The following CCDC6 variants were observed in gnomAD, a reference collection of about 807,000 sequenced individuals.
CCDC6 encodes the protein coiled-coil domain containing 6.
In CCDC6, 20 loss-of-function variants were observed where a neutral mutation model predicts 56.6. The observed-to-expected ratio is 0.35, with a 90% confidence interval of 0.25 to 0.51. The LOEUF (loss-of-function observed/expected upper bound fraction) is 0.51, where lower values mean the gene tolerates loss of function less well. CCDC6 is among the 20% of genes least tolerant of loss of function. The pLI is 0.95. For synonymous variants in CCDC6, 241 were observed against 234.4 expected (o/e 1.03, Z -0.26); for missense variants, 367 against 601.1 (o/e 0.61, Z 4.07).
In CCDC6 at chr10:59,885,912, CCCG is replaced by C. The variant is rs1486530829; in HGVS notation, c.303+20207_303+20209del. ...CAGTTGTCTGATGTCTATTTCCAAC[CCCG>C]CCCCCCGCCCCCCCAACTAGAATAT... On this transcript the variant is annotated intron_variant, in intron 1 of 8. Transcript: ENST00000263102. Among the ~76,000 whole-genome samples, 5 of 31,344 alleles carry C rather than the reference CCCG, an allele frequency of 1.6e-4. 1 individual carries two copies. The highest frequency in any genetic ancestry group is 3.8e-4 in the African/African-American group (3 of 7,896). 20.6% of individuals were successfully genotyped at this position (31,344 alleles called of 152,430 possible). A position where few individuals can be genotyped will look rare whatever the true frequency, so the allele number is the denominator to read the frequency against.
intron 7 of CCDC6, among the ~76,000 whole-genome samples, chr10:59,804,070 T>C (rs1478048742): frequency 6.6e-6 from 1 of 152,164 alleles, no homozygotes; most frequent in East Asian, 1.9e-4. Context: ...ATAAAAGGTG[T>C]GCTATGATGC....
chr10:59,807,336 T>A lies in CCDC6; in HGVS notation c.848-258A>T, dbSNP rs113552323. ...TCAGTCTCTACTAAAAATACAAACA[T>A]TAGCTGGGCGTGGTGGCAGGCACCT... On this transcript the variant is annotated intron_variant, in intron 5 of 8. Transcript: ENST00000263102. 2.6e-3 allele frequency among the ~76,000 whole-genome samples: 397 copies of A among 152,110 alleles called. 3 individuals carry two copies. The highest frequency in any genetic ancestry group is 8.9e-3 in the African/African-American group (370 of 41,478).
At chr10:59,849,018 T>C (rs1025905144) in intron 2 of CCDC6, among the ~76,000 whole-genome samples, 18 of 152,238 alleles carry the variant, frequency 1.2e-4, no homozygotes, top group African/African-American at 4.3e-4. Context: ...GCTCAGCCTG[T>C]ATATAAAATT....
intron 1 of CCDC6, among the ~76,000 whole-genome samples, chr10:59,863,336 T>C (rs1361866732): frequency 6.6e-6 from 1 of 152,268 alleles, no homozygotes; most frequent in African/African-American, 2.4e-5. Flanking sequence ...TATTACATAA[T>C]GAAAATGTTA....
chr10:59,790,715 C>T lies in CCDC6; in HGVS notation c.*2202G>A, dbSNP rs2070460153. ...AGTGAAATGACTTTGGGAACCAGAACATTTCTGCAGATGTCTGAATATCAA... is the reference window on the plus strand; with the variant it reads ...AGTGAAATGACTTTGGGAACCAGAATATTTCTGCAGATGTCTGAATATCAA... On this transcript the variant is annotated 3_prime_UTR_variant, in exon 9 of 9. Transcript: ENST00000263102. 4.6e-6 allele frequency: 1 copy of T among 219,366 alleles called. No homozygotes were observed. The highest frequency in any genetic ancestry group is 1.9e-4 in the South Asian group (1 of 5,374). The allele number at this position is 219,366 out of a possible 1,614,324, so 13.6% of individuals were successfully genotyped here. A position where few individuals can be genotyped will look rare whatever the true frequency, so the allele number is the denominator to read the frequency against.
intron 2 of CCDC6, among the ~76,000 whole-genome samples, chr10:59,842,953 C>G (rs904464790): frequency 6.6e-6 from 1 of 152,016 alleles, no homozygotes; most frequent in Non-Finnish European, 1.5e-5. Context: ...CGGGGTTTCA[C>G]CGTGTTAGCC....
At chr10:59,840,686 A>G (rs891193133) in intron 2 of CCDC6, among the ~76,000 whole-genome samples, 1 of 152,094 alleles carries the variant, frequency 6.6e-6, no homozygotes, top group Admixed American at 6.5e-5. Context: ...AACATACTCC[A>G]CTTGCTGTCT....
intron 1 of CCDC6, among the ~76,000 whole-genome samples, chr10:59,872,309 T>C (rs980766531): frequency 2.6e-5 from 4 of 152,230 alleles, no homozygotes; most frequent in African/African-American, 9.7e-5. Context: ...AGCTGGATGT[T>C]TCTTCCAGCA....
chr10:59,863,280 T>C (rs1461447442), intron 1 of CCDC6, among the ~76,000 whole-genome samples: 1 of 152,228 alleles, frequency 6.6e-6, no homozygotes, highest in African/African-American at 2.4e-5. Context: ...TTTGTCATGC[T>C]TTATAACTTA....
chr10:59,811,920 T>G (rs763491559), intron 5 of CCDC6, among the ~76,000 whole-genome samples: 1 of 152,164 alleles, frequency 6.6e-6, no homozygotes, highest in Non-Finnish European at 1.5e-5. Context: ...TAAGTTTATA[T>G]ACAAATATAT....
At chr10:59,891,965 C>A (rs2071425448) in intron 1 of CCDC6, among the ~76,000 whole-genome samples, 1 of 152,210 alleles carries the variant, frequency 6.6e-6, no homozygotes, top group Non-Finnish European at 1.5e-5. Context: ...CTTGAGGAGT[C>A]CTTGGCAGAG....
intron 5 of CCDC6, among the ~76,000 whole-genome samples, chr10:59,809,931 A>T (rs1299348856): frequency 6.6e-6 from 1 of 152,184 alleles, no homozygotes; most frequent in African/African-American, 2.4e-5. Context: ...TTCCACACAG[A>T]TTCCAAAGAG....
At chr10:59,868,648 C>T (rs2071198736) in intron 1 of CCDC6, among the ~76,000 whole-genome samples, 2 of 152,158 alleles carry the variant, frequency 1.3e-5, no homozygotes, top group Non-Finnish European at 1.5e-5. Flanking sequence ...CTTTCCTCCC[C>T]TTCTCTTTCA....
chr10:59,837,100 G>C (rs2070889634), intron 2 of CCDC6, among the ~76,000 whole-genome samples: 1 of 152,172 alleles, frequency 6.6e-6, no homozygotes, highest in African/African-American at 2.4e-5. Context: ...AATAATTGTT[G>C]TGCTTATAAT....
At chr10:59,883,484 C>T (rs2071361577) in intron 1 of CCDC6, among the ~76,000 whole-genome samples, 1 of 152,208 alleles carries the variant, frequency 6.6e-6, no homozygotes, top group Admixed American at 6.5e-5. Context: ...ATCTCCCTCT[C>T]GCACTGTATT....
chr10:59,879,149 G>A (rs982580450), intron 1 of CCDC6, among the ~76,000 whole-genome samples: 2 of 152,132 alleles, frequency 1.3e-5, no homozygotes, highest in African/African-American at 2.4e-5. Context: ...CACATGACTT[G>A]ACAAGGATTA....
At chr10:59,853,696 G>A (rs1173969760) in intron 1 of CCDC6, among the ~76,000 whole-genome samples, 1 of 152,150 alleles carries the variant, frequency 6.6e-6, no homozygotes, top group Non-Finnish European at 1.5e-5. Context: ...AAAGGTGGGT[G>A]AGAGGGGCTT....
intron 2 of CCDC6, among the ~76,000 whole-genome samples, chr10:59,850,461 C>G (rs2071028243): frequency 6.6e-6 from 1 of 152,164 alleles, no homozygotes; most frequent in African/African-American, 2.4e-5. Flanking sequence ...AGTTGAATCA[C>G]CAACAAGCTA....
intron 5 of CCDC6, among the ~76,000 whole-genome samples, chr10:59,812,061 C>CCAAAAAAAAAAAAAAAAAAAAAA (rs2070677081): frequency 2.4e-5 from 1 of 41,830 alleles, no homozygotes; most frequent in Non-Finnish European, 4.3e-5. Context: ...ATTTGAATAG[C>CCAAAAAAAAAAAAAAAAAAAAAA]CAAAAAAAAA....
Sources: gnomAD v4.1 joint callset for allele counts (sites outside exome capture counted in the v4.1 genomes callset) on GRCh38, gnomAD v4.1.1 for gene constraint, MANE v1.5 for transcripts, NCBI Gene and HGNC (gene_info 2026-07-23, HGNC 2026-07-21) for gene names.